Variants in RSRC1 observed in about 807,000 individuals in gnomAD.
RSRC1 encodes serine/Arginine-related protein 53.
In RSRC1, 39 loss-of-function variants were observed where a neutral mutation model predicts 49.1. That is an observed-to-expected ratio of 0.79 (90% confidence interval 0.61 to 1.04). RSRC1 has a LOEUF of 1.04. Among genes scored for constraint, RSRC1 ranks in the 50% least tolerant of loss-of-function variants. The pLI is 0.00. For synonymous variants in RSRC1, 143 were observed against 130.8 expected, an observed-to-expected ratio of 1.09 and a Z score of -0.63; for missense variants, 388 against 402.4, an observed-to-expected ratio of 0.96 and a Z score of 0.31.
chr3:158,260,086 G>A (rs1027507268), intron 4 of RSRC1, among the ~76,000 whole-genome samples: 1 of 151,812 alleles, frequency 6.6e-6, no homozygotes, highest in African/African-American at 2.4e-5. Flanking sequence ...TGTCTGAGTT[G>A]GTAGCCAAGC....
At chr3:158,529,803 A>G (rs1455393465) in intron 7 of RSRC1, among the ~76,000 whole-genome samples, 1 of 151,988 alleles carries the variant, frequency 6.6e-6, no homozygotes, top group Non-Finnish European at 1.5e-5. Flanking sequence ...CATTTTGGGT[A>G]GTTTGTGTTA....
intron 4 of RSRC1, among the ~76,000 whole-genome samples, chr3:158,266,604 C>T (rs1482404066): frequency 6.6e-6 from 1 of 152,058 alleles, no homozygotes; most frequent in Non-Finnish European, 1.5e-5. Context: ...AAAGCTGTAT[C>T]ACCTTGTTTT....
intron 5 of RSRC1, 31 bp downstream of exon 5, chr3:158,298,106 A>T (rs1225295336): frequency 6.6e-6 from 10 of 1,507,630 alleles, no homozygotes; most frequent in Non-Finnish European, 7.4e-6. Context: ...GAACATTTGC[A>T]TCATCTTTGA....
intron 4 of RSRC1, among the ~76,000 whole-genome samples, chr3:158,228,755 ATG>A (rs1290316290): frequency 6.6e-6 from 1 of 151,054 alleles, no homozygotes; most frequent in Non-Finnish European, 1.5e-5. Flanking sequence ...TTGTTTATAT[ATG>A]TGTGTGTGTA....
chr3:158,196,917 G>A (rs1231493140), intron 3 of RSRC1, among the ~76,000 whole-genome samples: 1 of 152,070 alleles, frequency 6.6e-6, no homozygotes, highest in Non-Finnish European at 1.5e-5. Context: ...ATTTTATTGA[G>A]GATTTTTGCA....
chr3:158,407,233 AAC>A (rs1734199804), intron 6 of RSRC1, among the ~76,000 whole-genome samples: 1 of 152,188 alleles, frequency 6.6e-6, no homozygotes, highest in African/African-American at 2.4e-5. Flanking sequence ...ATTTGCCAGA[AAC>A]ACAGGCTCCA....
intron 4 of RSRC1, among the ~76,000 whole-genome samples, chr3:158,219,898 T>C (rs1160650319): frequency 6.6e-6 from 1 of 151,490 alleles, no homozygotes; most frequent in Admixed American, 6.6e-5. Context: ...GAATAGTCAA[T>C]GGAAGAGAAT....
chr3:158,519,050 T>C (rs1050818978), intron 7 of RSRC1, among the ~76,000 whole-genome samples: 3 of 152,188 alleles, frequency 2.0e-5, no homozygotes, highest in Non-Finnish European at 4.4e-5. Flanking sequence ...CTCAAAGTTA[T>C]CATCTTCAAA....
At chr3:158,494,699 T>TA (rs1254803022) in intron 7 of RSRC1, among the ~76,000 whole-genome samples, 3 of 152,230 alleles carry the variant, frequency 2.0e-5, no homozygotes, top group African/African-American at 7.2e-5. Context: ...CAGTTTTTTT[T>TA]AACTGTTTTA....
At chr3:158,517,385 G>A (rs1460040366) in intron 7 of RSRC1, among the ~76,000 whole-genome samples, 5 of 151,878 alleles carry the variant, frequency 3.3e-5, no homozygotes, top group Non-Finnish European at 4.4e-5. Flanking sequence ...CCACTAACCA[G>A]TACCTAATAG....
intron 4 of RSRC1, among the ~76,000 whole-genome samples, chr3:158,255,301 G>A (rs1337923851): frequency 3.3e-5 from 5 of 152,072 alleles, no homozygotes; most frequent in Admixed American, 2.0e-4. Context: ...AGTTTTCCCA[G>A]CACCATTTAT....
chr3:158,206,127 A>C (rs1159728165), intron 4 of RSRC1, among the ~76,000 whole-genome samples: 1 of 152,204 alleles, frequency 6.6e-6, no homozygotes, highest in South Asian at 2.1e-4. Context: ...TTAAACTATG[A>C]GTGCACTTAC....
intron 3 of RSRC1, among the ~76,000 whole-genome samples, chr3:158,166,508 A>C (rs1315578188): frequency 6.6e-6 from 1 of 152,178 alleles, no homozygotes; most frequent in Non-Finnish European, 1.5e-5. Context: ...GTTATGAAAA[A>C]TGTGGTTCTA....
chr3:158,392,204 A>G (rs1190356199), intron 6 of RSRC1, among the ~76,000 whole-genome samples: 1 of 152,090 alleles, frequency 6.6e-6, no homozygotes, highest in East Asian at 1.9e-4. Flanking sequence ...TCAGATATCA[A>G]TTGCTGCTTC....
chr3:158,519,088 C>T (rs1214488027), intron 7 of RSRC1, among the ~76,000 whole-genome samples: 4 of 152,072 alleles, frequency 2.6e-5, no homozygotes, highest in Admixed American at 6.6e-5. Flanking sequence ...CCATTCAGGT[C>T]TTTCTCGTTG....
At chr3:158,253,757 T>C (rs978595366) in intron 4 of RSRC1, among the ~76,000 whole-genome samples, 3 of 152,066 alleles carry the variant, frequency 2.0e-5, no homozygotes, top group Admixed American at 1.3e-4. Flanking sequence ...GGTTGGTATA[T>C]ATTTATATAT....
At chr3:158,274,054 C>T (rs1725668999) in intron 4 of RSRC1, among the ~76,000 whole-genome samples, 2 of 151,972 alleles carry the variant, frequency 1.3e-5, no homozygotes, top group African/African-American at 4.8e-5. Context: ...CTCAGTGTTG[C>T]CCATTTGGAA....
chr3:158,152,597 C>T (rs1419789600), intron 3 of RSRC1, among the ~76,000 whole-genome samples: 1 of 152,152 alleles, frequency 6.6e-6, no homozygotes, highest in Non-Finnish European at 1.5e-5. Flanking sequence ...ATGAATTCAT[C>T]TCAGAATTTG....
intron 6 of RSRC1, among the ~76,000 whole-genome samples, chr3:158,385,539 A>G (rs79217318): frequency 0.01 from 1,543 of 152,282 alleles, 13 homozygotes; most frequent in Non-Finnish European, 0.013. Context: ...AATCATATGC[A>G]TTAACAACTC....
Sources: allele counts gnomAD v4.1 joint callset (sites outside exome capture counted in the v4.1 genomes callset), GRCh38; gene constraint gnomAD v4.1.1; transcripts MANE v1.5; gene names NCBI Gene and HGNC (gene_info 2026-07-23, HGNC 2026-07-21).